MGAT4D: variants seen among roughly 807,000 people sequenced by gnomAD.
The protein encoded by MGAT4D is MGAT4 family member D.
A neutral mutation model predicts 15.9 loss-of-function variants in MGAT4D; 34 were observed. The ratio of observed to expected loss-of-function variants is 2.14; its 90% confidence interval spans 1.62 to 2.84. The LOEUF (loss-of-function observed/expected upper bound fraction) is 2.84, where lower values mean the gene tolerates loss of function less well. MGAT4D is among the 30% of genes most tolerant of loss of function. The pLI, the probability that MGAT4D is intolerant of heterozygous loss-of-function variation, is 0.00. For synonymous variants in MGAT4D, 112 were observed against 48.2 expected, an observed-to-expected ratio of 2.33 and a Z score of -5.49; for missense variants, 327 against 140.2, an observed-to-expected ratio of 2.33 and a Z score of -6.73.
chr4:140,487,129 C>T (rs1041525340), intron 1 of MGAT4D, among the ~76,000 whole-genome samples: 5 of 152,192 alleles, frequency 3.3e-5, no homozygotes, highest in African/African-American at 4.8e-5. Context: ...GCTTCTTGTA[C>T]ATTTTTCCCT....
chr4:140,495,510 T>C (rs1733779997), intron 1 of MGAT4D, among the ~76,000 whole-genome samples: 1 of 152,182 alleles, frequency 6.6e-6, no homozygotes, highest in African/African-American at 2.4e-5. Context: ...AACCATTCAT[T>C]TATTCATCCA....
chr4:140,490,773 T>A (rs189252166), intron 1 of MGAT4D, among the ~76,000 whole-genome samples: 2 of 152,246 alleles, frequency 1.3e-5, no homozygotes, highest in African/African-American at 4.8e-5. Flanking sequence ...TATTTTGGTT[T>A]GGGTTTGTGG....
At chr4:140,492,745 G>C (rs566201746) in intron 1 of MGAT4D, among the ~76,000 whole-genome samples, 5 of 152,218 alleles carry the variant, frequency 3.3e-5, no homozygotes, top group African/African-American at 1.2e-4. Context: ...AGCAGGGAAA[G>C]GAAAAGAAAG....
chr4:140,462,090 G>A, intron 6 of MGAT4D, 86 bp from the exon 7 acceptor site: 1 of 626,430 alleles, frequency 1.6e-6, no homozygotes, highest in Non-Finnish European at 2.9e-6. Flanking sequence ...AAACTCTTTG[G>A]CAGTTTACTA....
intron 3 of MGAT4D, among the ~76,000 whole-genome samples, chr4:140,475,570 T>A (rs749757681): frequency 6.9e-6 from 1 of 144,502 alleles, no homozygotes; most frequent in Non-Finnish European, 1.5e-5. Context: ...CAGCCTTATG[T>A]CCCCCTCTTT....
chr4:140,445,836 C>A (rs1266316224), intron 10 of MGAT4D, among the ~76,000 whole-genome samples: 3 of 152,102 alleles, frequency 2.0e-5, no homozygotes, highest in Non-Finnish European at 4.4e-5. Flanking sequence ...GATCAGATGG[C>A]TGTAGATGTG....
intron 5 of MGAT4D, 22 bp from the exon 6 acceptor site, chr4:140,465,031 G>C: frequency 1.5e-6 from 1 of 682,846 alleles, no homozygotes; most frequent in Non-Finnish European, 2.6e-6. Context: ...AGTAAATGCA[G>C]ACTTATAATT....
intron 10 of MGAT4D, among the ~76,000 whole-genome samples, chr4:140,448,969 T>A (rs568799772): frequency 6.6e-6 from 1 of 152,374 alleles, no homozygotes; most frequent in African/African-American, 2.4e-5. Flanking sequence ...AAAAAGTCGT[T>A]GTTTAACTGA....
Position 140,443,447 on chromosome 4 carries a change from G to T in MGAT4D, c.1117-3C>A. The stretch of plus-strand genomic sequence containing the variant: ...CTTCTTATTTATCTTCATATTTTCT[G>T]AAATGAAAACAAAAAATGTAACATC... On this transcript the variant is annotated splice_region_variant and splice_polypyrimidine_tract_variant and intron_variant, in intron 10 of 10. Coordinates refer to ENST00000511113, the MANE Select transcript of MGAT4D (RefSeq NM_001277353.2). 1 of 539,496 alleles carries T rather than the reference G, an allele frequency of 1.9e-6. No homozygotes were observed. Among genetic ancestry groups the T allele is most frequent in the Non-Finnish European group, 3.3e-6 (1 of 300,968 alleles). The allele number at this position is 539,496 out of a possible 1,614,324, so 33.4% of individuals were successfully genotyped here. A position where few individuals can be genotyped will look rare whatever the true frequency, so the allele number is the denominator to read the frequency against.
intron 5 of MGAT4D, among the ~76,000 whole-genome samples, chr4:140,469,395 C>T (rs1353803860): frequency 6.6e-6 from 1 of 152,168 alleles, no homozygotes; most frequent in African/African-American, 2.4e-5. Flanking sequence ...ATTATTCACA[C>T]TTTGCAAAAC....
intron 5 of MGAT4D, among the ~76,000 whole-genome samples, chr4:140,471,146 C>T (rs913813370): frequency 4.1e-4 from 63 of 152,276 alleles, no homozygotes; most frequent in African/African-American, 1.4e-3. Context: ...CCCACCTTGG[C>T]CTCTCAAAGT....
chr4:140,485,219 C>T (rs955050314), intron 1 of MGAT4D, among the ~76,000 whole-genome samples: 15 of 152,068 alleles, frequency 9.9e-5, no homozygotes, highest in African/African-American at 3.4e-4. Flanking sequence ...TACTATGCAG[C>T]CATAAAAAAT....
chr4:140,459,832 TCTCA>T (rs1731053425), intron 7 of MGAT4D, among the ~76,000 whole-genome samples: 1 of 136,158 alleles, frequency 7.3e-6, no homozygotes, highest in Admixed American at 8.0e-5. Flanking sequence ...TGAGACAGGG[TCTCA>T]CTCTGTTACC....
intron 5 of MGAT4D, among the ~76,000 whole-genome samples, chr4:140,470,424 C>CAAAA (rs1271372674): frequency 4.6e-5 from 7 of 152,194 alleles, no homozygotes; most frequent in African/African-American, 1.7e-4. Context: ...TAAAACAAAG[C>CAAAA]AAAACACTTT....
intron 5 of MGAT4D, among the ~76,000 whole-genome samples, chr4:140,471,037 A>T (rs1731903208): frequency 6.6e-6 from 1 of 151,908 alleles, no homozygotes; most frequent in Non-Finnish European, 1.5e-5. Flanking sequence ...GGTGCACACC[A>T]CCAGGCTCGG....
intron 1 of MGAT4D, among the ~76,000 whole-genome samples, chr4:140,489,846 T>C (rs1186883637): frequency 2.0e-5 from 3 of 152,216 alleles, no homozygotes; most frequent in African/African-American, 7.2e-5. Flanking sequence ...CCCTAGGATA[T>C]ATCTGGTGGT....
At chr4:140,471,618 TTCA>T (rs1731964172) in intron 5 of MGAT4D, among the ~76,000 whole-genome samples, 154 bp downstream of exon 5, 1 of 152,196 alleles carries the variant, frequency 6.6e-6, no homozygotes, top group African/African-American at 2.4e-5. Context: ...TAAGCCATAC[TTCA>T]TCACAGCTTA....
chr4:140,463,700 G>A (rs910383936), intron 6 of MGAT4D, among the ~76,000 whole-genome samples: 1 of 152,096 alleles, frequency 6.6e-6, no homozygotes, highest in Non-Finnish European at 1.5e-5. Context: ...CAACAATGTT[G>A]GCTATCTTAC....
intron 10 of MGAT4D, chr4:140,450,119 T>A: frequency 2.8e-6 from 1 of 362,026 alleles, no homozygotes; most frequent in Non-Finnish European, 5.0e-6. Flanking sequence ...CTAATAGACA[T>A]CCTGTTAAAA....
Sources: allele counts gnomAD v4.1 joint callset (sites outside exome capture counted in the v4.1 genomes callset), GRCh38; gene constraint gnomAD v4.1.1; transcripts MANE v1.5; gene names NCBI Gene and HGNC (gene_info 2026-07-23, HGNC 2026-07-21).